The following ZBTB8OS variants were observed in gnomAD, a reference collection of about 807,000 sequenced individuals.
ZBTB8OS encodes tRNA-splicing ligase-activating factor archease.
A neutral mutation model predicts 29.3 loss-of-function variants in ZBTB8OS; 16 were observed. That is an observed-to-expected ratio of 0.55 (90% CI 0.37 to 0.83). The LOEUF is 0.83. ZBTB8OS is among the 40% of genes least tolerant of loss of function. The probability of loss-of-function intolerance (pLI) is 0.00; values close to 1 mark genes in which losing one functional copy is unlikely to be tolerated. For synonymous variants in ZBTB8OS, 70 were observed against 64.6 expected, an observed-to-expected ratio of 1.08 and a Z score of -0.40; for missense variants, 160 against 196.9, an observed-to-expected ratio of 0.81 and a Z score of 1.12.
chr1:32,643,296 C>T (rs1415111132), intron 1 of ZBTB8OS, among the ~76,000 whole-genome samples: 6 of 151,842 alleles, frequency 4.0e-5, no homozygotes, highest in African/African-American at 1.5e-4. Flanking sequence ...TGGTCTCGAA[C>T]CCCCGACCTC....
chr1:32,622,095 TAGG>T (rs1644795792), intron 6 of ZBTB8OS, 147 bp from the exon 7 acceptor site: 1 of 592,222 alleles, frequency 1.7e-6, no homozygotes. Context: ...GTTATCAAAT[TAGG>T]AGAATATACA....
At chr1:32,634,339 G>A in intron 2 of ZBTB8OS, 1 of 305,034 alleles carries the variant, frequency 3.3e-6, no homozygotes, top group Non-Finnish European at 6.0e-6. Flanking sequence ...CAATTCTCCT[G>A]CCTCAGCCTC....
chr1:32,634,645 C>T (rs1645816964), intron 2 of ZBTB8OS, 123 bp downstream of exon 2: 3 of 1,304,598 alleles, frequency 2.3e-6, no homozygotes, highest in Non-Finnish European at 3.3e-6. Flanking sequence ...TTCAAACCAT[C>T]ATTTTCATAT....
At chr1:32,647,041 CAAAAAAAAAAAAAAAAAAA>C (rs71006347) in intron 1 of ZBTB8OS, among the ~76,000 whole-genome samples, 8 of 39,396 alleles carry the variant, frequency 2.0e-4, no homozygotes, top group African/African-American at 9.8e-5. Flanking sequence ...GATACTGTCT[CAAAAAAAAAAAAAAAAAAA>C]AAAAAAAAAA....
chr1:32,626,603 C>T (rs1452107496), intron 6 of ZBTB8OS, among the ~76,000 whole-genome samples: 2 of 152,140 alleles, frequency 1.3e-5, no homozygotes, highest in Non-Finnish European at 2.9e-5. Flanking sequence ...GGCTGGAGTG[C>T]AGTGGCATGA....
intron 5 of ZBTB8OS, chr1:32,627,772 C>T (rs1645227685): frequency 3.7e-6 from 2 of 543,066 alleles, no homozygotes; most frequent in African/African-American, 3.8e-5. Flanking sequence ...TGCGGTGGCT[C>T]ATACCTATAA....
intron 6 of ZBTB8OS, among the ~76,000 whole-genome samples, chr1:32,624,491 G>T (rs1027006385): frequency 6.6e-6 from 1 of 152,206 alleles, no homozygotes; most frequent in Non-Finnish European, 1.5e-5. Context: ...TGGATTCATG[G>T]AGAGAAGGTA....
chr1:32,645,578 C>G (rs952750819), intron 1 of ZBTB8OS, among the ~76,000 whole-genome samples: 1 of 152,156 alleles, frequency 6.6e-6, no homozygotes, highest in African/African-American at 2.4e-5. Context: ...CTTTCACAGA[C>G]AGAGTCTTGC....
At chr1:32,631,992 C>CGTTTTTTTTTTTTTTTTT (rs1645596038) in intron 4 of ZBTB8OS, 113 bp from the exon 5 acceptor site, 1 of 131,520 alleles carries the variant, frequency 7.6e-6, no homozygotes. Flanking sequence ...TTGGTAAAAC[C>CGTTTTTTTTTTTTTTTTT]TTTTTTTTTT....
chr1:32,643,230 A>G (rs923709449), intron 1 of ZBTB8OS, among the ~76,000 whole-genome samples: 3 of 147,822 alleles, frequency 2.0e-5, no homozygotes, highest in East Asian at 2.1e-4. Context: ...ACCACCACGC[A>G]TGGCTAATTT....
intron 1 of ZBTB8OS, among the ~76,000 whole-genome samples, chr1:32,636,183 A>T (rs559580031): frequency 6.6e-6 from 1 of 152,284 alleles, no homozygotes; most frequent in Non-Finnish European, 1.5e-5. Flanking sequence ...ACCAATCAGT[A>T]GTATCCACTT....
At chr1:32,629,816 A>AGTG in intron 5 of ZBTB8OS, among the ~76,000 whole-genome samples, 1 of 145,996 alleles carries the variant, frequency 6.8e-6, no homozygotes, top group South Asian at 2.1e-4. Context: ...GCAGTGGCAC[A>AGTG]ATCTTGGCTC....
At chr1:32,626,375 A>G (rs1645134715) in intron 6 of ZBTB8OS, among the ~76,000 whole-genome samples, 1 of 152,166 alleles carries the variant, frequency 6.6e-6, no homozygotes, top group Non-Finnish European at 1.5e-5. Flanking sequence ...ATGTTTGCAC[A>G]ATGATGTAAT....
chr1:32,623,985 AGTTTTCAGGAGATCTGAT>A (rs1644924790), intron 6 of ZBTB8OS, among the ~76,000 whole-genome samples: 2 of 152,066 alleles, frequency 1.3e-5, no homozygotes, highest in Non-Finnish European at 2.9e-5. Context: ...ATAGTGCGTG[AGTTTTCAGGAGATCTGAT>A]GGTTTTCTAA....
chr1:32,640,073 T>C (rs908912461), intron 1 of ZBTB8OS: 1 of 152,042 alleles, frequency 6.6e-6, no homozygotes, highest in African/African-American at 2.4e-5. Context: ...TGGATAATCT[T>C]TTTTTATGTT....
At chr1:32,640,862 G>A (rs1646336683) in intron 1 of ZBTB8OS, among the ~76,000 whole-genome samples, 1 of 151,996 alleles carries the variant, frequency 6.6e-6, no homozygotes, top group Non-Finnish European at 1.5e-5. Context: ...TTTCCTTGAT[G>A]TGACAGATCA....
chr1:32,620,921 T>C lies in ZBTB8OS; in HGVS notation c.*941A>G, dbSNP rs1225343615. On this transcript the variant is annotated 3_prime_UTR_variant, in exon 7 of 7. Coordinates refer to ENST00000468695, the MANE Select transcript of ZBTB8OS (RefSeq NM_178547.5). ...AAGGTCTCTTTGTAAGGCATAGTAT[T>C]GACTTTTTCTTATGAGAAAACAGGA... 6.6e-6 allele frequency: 1 copy of C among 152,216 alleles called. No homozygotes were observed. Among genetic ancestry groups the C allele is most frequent in the Non-Finnish European group, 1.5e-5 (1 of 68,040 alleles). 9.4% of individuals were successfully genotyped at this position (152,216 alleles called of 1,614,324 possible).
intron 1 of ZBTB8OS, among the ~76,000 whole-genome samples, chr1:32,641,671 T>TG (rs1232781194): frequency 6.8e-6 from 1 of 146,078 alleles, no homozygotes; most frequent in African/African-American, 2.5e-5. Context: ...CCCAGCACTT[T>TG]GGGAGGCCGA....
chr1:32,628,413 G>C lies in ZBTB8OS; in HGVS notation c.381-869C>G, dbSNP rs1291767736. Among the ~76,000 whole-genome samples the C allele has an allele frequency of 2.0e-5, 3 of 150,338 alleles. No individual in the cohort carries two copies. In the South Asian group the frequency reaches 6.3e-4, roughly 32 times the overall value. On this transcript the variant is annotated intron_variant, in intron 5 of 6. Coordinates refer to ENST00000468695, the MANE Select transcript of ZBTB8OS (RefSeq NM_178547.5). ...GCACTTTGGGAGGCCGAGGTAGGCG[G>C]ATCACCTGAGGTCAGGAGTTCAAGA... is the stretch of plus-strand genomic sequence containing the variant.
Sources: allele counts gnomAD v4.1 joint callset (sites outside exome capture counted in the v4.1 genomes callset), GRCh38; gene constraint gnomAD v4.1.1; transcripts MANE v1.5; gene names NCBI Gene and HGNC (gene_info 2026-07-23, HGNC 2026-07-21).